The following CYB5R3 variants were observed in gnomAD, a reference collection of about 807,000 sequenced individuals.
CYB5R3 encodes NADH-cytochrome b5 reductase 3.
CYB5R3 carries 28 observed loss-of-function variants against 36.5 expected under a neutral mutation model. The ratio of observed to expected loss-of-function variants is 0.77; its 90% CI spans 0.57 to 1.05. The LOEUF (loss-of-function observed/expected upper bound fraction) is 1.05, where lower values mean the gene tolerates loss of function less well. CYB5R3 is among the 50% of genes least tolerant of loss of function. The pLI is 0.00. For missense variants in CYB5R3, 474 were observed against 408.9 expected (o/e 1.16, Z -1.37); for synonymous variants, 181 against 159.8 (o/e 1.13, Z -1.00).
chr22:42,631,586 C>T (rs990018591), intron 2 of CYB5R3, 136 bp from the exon 3 acceptor site: 89 of 791,034 alleles, frequency 1.1e-4, no homozygotes, highest in Middle Eastern at 3.3e-4. Context: ...CCTTGTAAGA[C>T]GTGACGCCGA....
chr22:42,640,148 G>C, intron 1 of CYB5R3: 1 of 1,613,552 alleles, frequency 6.2e-7, no homozygotes, highest in East Asian at 2.2e-5. Context: ...ATCTCAGCAG[G>C]GGTGGGAGGA....
At chr22:42,638,254 G>T (rs6002838) in intron 1 of CYB5R3, among the ~76,000 whole-genome samples, 63,849 of 151,308 alleles carry the variant, frequency 0.42, 14,585 homozygotes, top group Non-Finnish European at 0.5. Flanking sequence ...AAATTAGCCG[G>T]GCGTGGTGGC....
intron 4 of CYB5R3, among the ~76,000 whole-genome samples, chr22:42,628,822 A>T (rs761939872): frequency 2.0e-5 from 3 of 152,134 alleles, no homozygotes; most frequent in Non-Finnish European, 4.4e-5. Context: ...GGAGCGGCTC[A>T]CCCTGCCCAA....
At chr22:42,648,895 ACACT>A (rs1479673370) in intron 1 of CYB5R3, among the ~76,000 whole-genome samples, 22 of 152,192 alleles carry the variant, frequency 1.4e-4, no homozygotes, top group African/African-American at 4.1e-4. Context: ...ACCCACGGTC[ACACT>A]CACACACACA....
In CYB5R3 at chr22:42,627,695, A is replaced by G. The variant is rs1601934026; in HGVS notation, c.464-7T>C. On this transcript the variant is annotated splice_region_variant and splice_polypyrimidine_tract_variant and intron_variant, in intron 5 of 8. Coordinates refer to ENST00000352397, the MANE Select transcript of CYB5R3 (RefSeq NM_000398.7). ...GGTCGGATGGCGAACTTCCCTGGGG[A>G]GAGAGAAGGGGTGAGGCCCGGCCAT... 1 of 1,605,572 alleles carries G rather than the reference A, an allele frequency of 6.2e-7. No homozygotes were observed. The highest frequency in any genetic ancestry group is 8.5e-7 in the Non-Finnish European group (1 of 1,172,344).
chr22:42,638,542 G>GA (rs1214704850), intron 1 of CYB5R3, among the ~76,000 whole-genome samples: 2,104 of 100,470 alleles, frequency 0.021, 73 homozygotes, highest in African/African-American at 0.066. Context: ...TGTCTCTGTT[G>GA]AAAAAAAAAA....
intron 8 of CYB5R3, 139 bp from the exon 9 acceptor site, chr22:42,620,084 T>G: frequency 2.4e-6 from 2 of 847,260 alleles, no homozygotes; most frequent in Non-Finnish European, 3.9e-6. Context: ...CAGGACCCCC[T>G]GCCCCCAACC....
Position 42,619,718 on chromosome 22 carries a change from C to T in CYB5R3, c.*55G>A, listed in dbSNP as rs940427435. ...CGATGTGGGGAGGTGACTGGGTGAGCGTGAACAGGGCGTGGGGTGCGCGGG... is the reference window on the plus strand; with the variant it reads ...CGATGTGGGGAGGTGACTGGGTGAGTGTGAACAGGGCGTGGGGTGCGCGGG... On this transcript the variant is annotated 3_prime_UTR_variant, in exon 9 of 9. Coordinates refer to ENST00000352397, the MANE Select transcript of CYB5R3 (RefSeq NM_000398.7). 2.1e-5 allele frequency: 31 copies of T among 1,499,556 alleles called. No homozygotes were observed. The highest frequency in any genetic ancestry group is 1.0e-4 in the Admixed American group (5 of 49,920). 92.9% of individuals were successfully genotyped at this position (1,499,556 alleles called of 1,614,324 possible).
chr22:42,648,513 G>C (rs1322665282), intron 1 of CYB5R3, among the ~76,000 whole-genome samples: 1 of 152,234 alleles, frequency 6.6e-6, no homozygotes, highest in African/African-American at 2.4e-5. Context: ...GACAGCAGCA[G>C]AGTGGACTTT....
At position 42,627,676 on chromosome 22, in the gene CYB5R3, A is replaced by G; in HGVS notation, c.476T>C (p.Ile159Thr). 4 of 1,613,618 alleles carry G rather than the reference A, an allele frequency of 2.5e-6. No homozygotes were observed. The highest frequency in any genetic ancestry group is 3.4e-6 in the Non-Finnish European group (4 of 1,179,542). The change falls in exon 6 of 9, where the codon ATC becomes ACC. Residue 159 changes from isoleucine to threonine, a missense_variant. By Grantham distance (89) the Ile-to-Thr change is moderately conservative. Transcript: ENST00000352397. ...LVYQGKGKFA[I>T]RPDKKSNPII... is the part of the protein sequence containing the mutation. ...AGGGTTGGACTTTTTGTCAGGTCGG[A>G]TGGCGAACTTCCCTGGGGAGAGAGA...
chr22:42,649,060 G>A (rs1195522200), intron 1 of CYB5R3, among the ~76,000 whole-genome samples: 1 of 152,168 alleles, frequency 6.6e-6, no homozygotes, highest in Non-Finnish European at 1.5e-5. Flanking sequence ...CGCGCCCCCC[G>A]GGCAGGAGGG....
intron 1 of CYB5R3, among the ~76,000 whole-genome samples, chr22:42,638,243 A>AAAATTAGCCGGGCGTGGTGG (rs1929003722): frequency 1.3e-5 from 2 of 151,938 alleles, no homozygotes; most frequent in East Asian, 3.9e-4. Context: ...TAAAAATACA[A>AAAATTAGCCGGGCGTGGTGG]AAATTAGCCG....
chr22:42,623,696 T>C (rs1437400454), intron 8 of CYB5R3, 93 bp downstream of exon 8: 1 of 1,051,662 alleles, frequency 9.5e-7, no homozygotes. Context: ...GTGCCAGATG[T>C]CGTCCAAAGG....
At chr22:42,634,350 A>G (rs1928770744) in intron 2 of CYB5R3, among the ~76,000 whole-genome samples, 1 of 152,264 alleles carries the variant, frequency 6.6e-6, no homozygotes, top group South Asian at 2.1e-4. Context: ...AACGAGAGCA[A>G]AACTCCATCT....
chr22:42,619,494 A>G lies in CYB5R3; in HGVS notation c.*279T>C. The G allele has an allele frequency of 2.0e-6, 1 of 507,204 alleles. No individual in the cohort carries two copies. Among genetic ancestry groups the G allele is most frequent in the Non-Finnish European group, 3.6e-6 (1 of 277,806 alleles). The allele number at this position is 507,204 out of a possible 1,614,324, so 31.4% of individuals were successfully genotyped here. A position where few individuals can be genotyped will look rare whatever the true frequency, so the allele number is the denominator to read the frequency against. ...GCCTTATAGTGTGTGTGGGGGGTGG[A>G]CGAGGGGTCATGAGGACAGGGATGG... is the stretch of plus-strand genomic sequence containing the variant. On this transcript the variant is annotated 3_prime_UTR_variant, in exon 9 of 9. Transcript: ENST00000352397.
In CYB5R3 at chr22:42,630,877, T is replaced by C. The variant is rs779698958; in HGVS notation, c.333+5A>G. ...CCCTCCACAGTCATGACCCAGAGGC[T>C]TCACCTTGATGACCAGGTCCACGAA... On this transcript the variant is annotated splice_donor_5th_base_variant and intron_variant, in intron 4 of 8. Transcript: ENST00000352397. The C allele has an allele frequency of 2.9e-5, 47 of 1,610,504 alleles. No individual in the cohort carries two copies. Among genetic ancestry groups the C allele is most frequent in the Admixed American group, 2.0e-4 (12 of 59,676 alleles).
At chr22:42,621,177 C>CTT (rs1306149527) in intron 8 of CYB5R3, among the ~76,000 whole-genome samples, 1 of 132,292 alleles carries the variant, frequency 7.6e-6, no homozygotes, top group East Asian at 2.3e-4. Context: ...ACAGCGATTT[C>CTT]TTTTTAGTGT....
At chr22:42,638,669 T>C (rs537991373) in intron 1 of CYB5R3, among the ~76,000 whole-genome samples, 2 of 117,508 alleles carry the variant, frequency 1.7e-5, no homozygotes, top group Non-Finnish European at 3.4e-5. Context: ...GTGGAGGAGG[T>C]TGCAGTGAGC....
chr22:42,632,153 G>C (rs757700742), intron 2 of CYB5R3: 1 of 153,624 alleles, frequency 6.5e-6, no homozygotes, highest in African/African-American at 2.4e-5. Flanking sequence ...TGTTAAGTGG[G>C]TCTTACGCTC....
Sources: allele counts gnomAD v4.1 joint callset (sites outside exome capture counted in the v4.1 genomes callset), GRCh38; gene constraint gnomAD v4.1.1; transcripts MANE v1.5; gene names NCBI Gene and HGNC (gene_info 2026-07-23, HGNC 2026-07-21).